GUCY2F: variants seen among roughly 807,000 people sequenced by gnomAD.
GUCY2F encodes the protein guanylate cyclase 2F, retinal.
GUCY2F carries 61 observed loss-of-function variants against 73.1 expected under a neutral mutation model. The ratio of observed to expected loss-of-function variants is 0.83; its 90% CI spans 0.68 to 1.03. The LOEUF is 1.03. GUCY2F is among the 50% of genes least tolerant of loss of function. The pLI is 0.00. For synonymous variants in GUCY2F, 331 were observed against 307.8 expected (o/e 1.08, Z -0.79); for missense variants, 912 against 854.3 (o/e 1.07, Z -0.84).
chrX:109,419,595 A>G (rs1424911644), intron 8 of GUCY2F, among the ~76,000 whole-genome samples: 1 of 110,724 alleles, frequency 9.0e-6, no homozygotes, highest in Non-Finnish European at 1.9e-5. Flanking sequence ...GGCCAGGAAC[A>G]AGGCAAAGAT....
intron 8 of GUCY2F, among the ~76,000 whole-genome samples, chrX:109,425,641 G>T (rs962311113): frequency 6.5e-5 from 7 of 107,706 alleles, no homozygotes; most frequent in Non-Finnish European, 1.1e-4. Context: ...GGACTTTGGG[G>T]ACTCGGGGGA....
At position 109,375,873 on chromosome X, in the gene GUCY2F, GCT is replaced by G. The variant is rs779967680; in HGVS notation, c.*1+23_*1+24del. Reference sequence around the variant, plus strand: ...ATTTGAAAATTTGGCAAGCTGCTGTGCTCTGTTTTCCTCCTGGCCATTACCTT... The same window carrying G: ...ATTTGAAAATTTGGCAAGCTGCTGTGCTGTTTTCCTCCTGGCCATTACCTT... On this transcript the variant is annotated intron_variant, in intron 19 of 19. Transcript: ENST00000218006. The G allele has an allele frequency of 6.2e-6, 7 of 1,124,773 alleles. No homozygotes were observed. In the East Asian group the frequency reaches 1.5e-4, roughly 24 times the overall value. 92.7% of individuals were successfully genotyped at this position (1,124,773 alleles called of 1,213,427 possible). A position where few individuals can be genotyped will look rare whatever the true frequency, so the allele number is the denominator to read the frequency against.
At chrX:109,432,534 G>A (rs186043076) in intron 7 of GUCY2F, among the ~76,000 whole-genome samples, 1 of 112,423 alleles carries the variant, frequency 8.9e-6, no homozygotes, top group Admixed American at 9.4e-5. Context: ...CTGAGCCCAT[G>A]GTCACTGCTA....
chrX:109,401,426 C>T (rs1463476403), intron 10 of GUCY2F, among the ~76,000 whole-genome samples: 1 of 111,998 alleles, frequency 8.9e-6, no homozygotes, highest in African/African-American at 3.2e-5. Flanking sequence ...ACCTTGGCTT[C>T]CCTATCTATA....
At chrX:109,415,661 A>G (rs1931222251) in intron 8 of GUCY2F, among the ~76,000 whole-genome samples, 1 of 112,104 alleles carries the variant, frequency 8.9e-6, no homozygotes, top group African/African-American at 3.2e-5. Flanking sequence ...CCTGAGAAAC[A>G]GTAGAATTAG....
chrX:109,398,366 G>C, intron 11 of GUCY2F, among the ~76,000 whole-genome samples, 183 bp downstream of exon 11: 1 of 111,715 alleles, frequency 9.0e-6, no homozygotes, highest in Middle Eastern at 4.6e-3. Flanking sequence ...CTTGGGTGGC[G>C]AAATTTCTTC....
At chrX:109,462,591 A>G (rs1245471399) in intron 3 of GUCY2F, among the ~76,000 whole-genome samples, 2 of 111,580 alleles carry the variant, frequency 1.8e-5, no homozygotes, top group African/African-American at 6.5e-5. Context: ...TTTTGCCTTA[A>G]TTACCTTATG....
intron 6 of GUCY2F, among the ~76,000 whole-genome samples, chrX:109,442,225 T>C (rs987930686): frequency 1.8e-5 from 2 of 111,929 alleles, no homozygotes; most frequent in African/African-American, 6.5e-5. Context: ...ATTGAACCTC[T>C]GTATCTTCAA....
intron 8 of GUCY2F, among the ~76,000 whole-genome samples, chrX:109,412,901 A>T (rs2147262393): frequency 8.9e-6 from 1 of 112,132 alleles, no homozygotes; most frequent in East Asian, 2.8e-4. Context: ...CACGGCCCTA[A>T]GACATAGCAG....
chrX:109,410,004 C>T (rs980647284), intron 8 of GUCY2F, among the ~76,000 whole-genome samples: 10 of 111,327 alleles, frequency 9.0e-5, no homozygotes, highest in Non-Finnish European at 1.9e-4. Context: ...GGTTCCCCCT[C>T]ACCCCAGCCC....
chrX:109,426,775 T>C (rs980533910), intron 8 of GUCY2F, among the ~76,000 whole-genome samples: 8 of 111,851 alleles, frequency 7.2e-5, no homozygotes, highest in African/African-American at 2.6e-4. Context: ...CAAAGTAGAA[T>C]GGAAGAGAAG....
intron 6 of GUCY2F, among the ~76,000 whole-genome samples, chrX:109,444,068 C>T (rs764986812): frequency 8.1e-5 from 9 of 111,666 alleles, no homozygotes; most frequent in Non-Finnish European, 1.5e-4. Flanking sequence ...AATTCCACTA[C>T]CATGAGTCCT....
At chrX:109,406,131 C>T (rs901898470) in intron 9 of GUCY2F, among the ~76,000 whole-genome samples, 6 of 111,825 alleles carry the variant, frequency 5.4e-5, no homozygotes, top group Admixed American at 2.8e-4. Context: ...ACACAATTTG[C>T]ATATCATTCC....
chrX:109,386,962 C>A (rs1487717203), intron 15 of GUCY2F, among the ~76,000 whole-genome samples: 1 of 111,811 alleles, frequency 8.9e-6, no homozygotes, highest in Non-Finnish European at 1.9e-5. Flanking sequence ...AAGAAAAAAT[C>A]AAACGCCTGC....
rs773835826 is a variant in GUCY2F, at chrX:109,443,283, A to G, written c.1570-1801T>C. Among the ~76,000 whole-genome samples the G allele has an allele frequency of 4.5e-5, 5 of 111,963 alleles. No homozygotes were observed. In the East Asian group the frequency reaches 1.4e-3, roughly 31 times the overall value. The stretch of plus-strand genomic sequence containing the variant: ...TTCCACCTCGGCCAAAATAGTAAAA[A>G]AAATAAAATGAAATAAAACAATTTA... On this transcript the variant is annotated intron_variant, in intron 6 of 19. Coordinates refer to ENST00000218006, the MANE Select transcript of GUCY2F (RefSeq NM_001522.3).
rs756618239 is a variant in GUCY2F, at chrX:109,398,682, G to C, written c.2142C>G (p.Ala714=). The C allele has an allele frequency of 6.6e-6, 8 of 1,207,883 alleles. No individual in the cohort carries two copies. The South Asian group carries it at 1.1e-4, about 16-fold the overall frequency. ...ESSMEELLWT[A]PELLRAPRGS... ...CTCTTGGAGCTCTCAACAGTTCAGG[G>C]GCCGTCCACAGCAGCTCTAAAAAGA... is the stretch of plus-strand genomic sequence containing the variant. Residue 714 remains alanine (A), a synonymous_variant, in exon 11 of 20, where the codon GCC becomes GCG. Coordinates refer to ENST00000218006, the MANE Select transcript of GUCY2F (RefSeq NM_001522.3).
Position 109,475,932 on chromosome X carries a change from A to G in GUCY2F, c.5T>C (p.Phe2Ser). ...GCGAGAAAAGCGCCCGAGTCCCAGG[A>G]ACATAGCCCTCCTGCTTCCAGCAAG... MFLGLGRFSRLV... is the reference protein window; with the variant it reads MSLGLGRFSRLV... Residue 2 changes from phenylalanine (F) to serine (S), a missense_variant, in exon 2 of 20, where the codon TTC becomes TCC. Coordinates refer to ENST00000218006, the MANE Select transcript of GUCY2F (RefSeq NM_001522.3). The G allele has an allele frequency of 8.4e-7, 1 of 1,196,710 alleles. No individual in the cohort carries two copies. The highest frequency in any genetic ancestry group is 1.1e-6 in the Non-Finnish European group (1 of 888,981).
chrX:109,404,356 T>A lies in GUCY2F; in HGVS notation c.2097A>T (p.Arg699Ser). ...CCATAGAAGATTCCTCTTCAGAGAG[T>A]CTCAGCATTTCTAAGATGTCGTTAA... is the stretch of plus-strand genomic sequence containing the variant. ...YGFNDILEML[R>S]LSEEESSMEE... The change falls in exon 10 of 20, where the codon AGA (arginine) becomes AGT (serine). Residue 699 changes from arginine (R) to serine (S), a missense_variant. Transcript: ENST00000218006. 8.4e-7 allele frequency: 1 copy of A among 1,196,188 alleles called. No individual in the cohort carries two copies.
intron 3 of GUCY2F, among the ~76,000 whole-genome samples, chrX:109,456,127 G>A (rs890368477): frequency 6.2e-5 from 7 of 112,246 alleles, no homozygotes; most frequent in African/African-American, 2.3e-4. Flanking sequence ...TGGATGGCAT[G>A]TGCTGCCACC....
Sources: allele counts gnomAD v4.1 joint callset (sites outside exome capture counted in the v4.1 genomes callset), GRCh38; gene constraint gnomAD v4.1.1; transcripts MANE v1.5; gene names NCBI Gene and HGNC (gene_info 2026-07-23, HGNC 2026-07-21).